PHACTR1: variants seen among roughly 807,000 people sequenced by gnomAD.
The protein encoded by PHACTR1 is RPEL repeat containing 1.
Under a neutral mutation model 69.2 loss-of-function variants are expected in PHACTR1, and 16 were observed. The ratio of observed to expected loss-of-function variants is 0.23; its 90% confidence interval spans 0.16 to 0.35. The LOEUF is 0.35. PHACTR1 is among the 10% of genes least tolerant of loss of function. The pLI, the probability that PHACTR1 is intolerant of heterozygous loss-of-function variation, is 1.00. For synonymous variants in PHACTR1, 312 were observed against 284.5 expected, an observed-to-expected ratio of 1.10 and a Z score of -0.97; for missense variants, 510 against 734.7, an observed-to-expected ratio of 0.69 and a Z score of 3.54.
intron 7 of PHACTR1, among the ~76,000 whole-genome samples, chr6:13,201,939 C>T (rs543125783): frequency 1.1e-4 from 17 of 152,328 alleles, no homozygotes; most frequent in African/African-American, 4.1e-4. Context: ...TACTTTTGTT[C>T]ATTTTTATGA....
At chr6:13,138,468 G>A (rs1334029524) in intron 5 of PHACTR1, among the ~76,000 whole-genome samples, 4 of 152,192 alleles carry the variant, frequency 2.6e-5, no homozygotes, top group African/African-American at 4.8e-5. Context: ...TCTCAGGCAG[G>A]CATTTTAAGG....
intron 4 of PHACTR1, among the ~76,000 whole-genome samples, chr6:12,784,089 A>G (rs148284900): frequency 1.3e-5 from 2 of 152,224 alleles, no homozygotes; most frequent in African/African-American, 4.8e-5. Flanking sequence ...ACATACACAT[A>G]TATCTCTACA....
At chr6:12,946,045 A>G (rs1383395542) in intron 4 of PHACTR1, among the ~76,000 whole-genome samples, 2 of 151,448 alleles carry the variant, frequency 1.3e-5, no homozygotes, top group Non-Finnish European at 2.9e-5. Flanking sequence ...AAGTGGATCT[A>G]GTATACAGTA....
At chr6:13,217,295 C>T (rs1434527276) in intron 8 of PHACTR1, among the ~76,000 whole-genome samples, 1 of 152,184 alleles carries the variant, frequency 6.6e-6, no homozygotes, top group Non-Finnish European at 1.5e-5. Context: ...GAGCCAAACA[C>T]CAAGAGACAA....
At chr6:13,028,121 C>G (rs1329881850) in intron 4 of PHACTR1, among the ~76,000 whole-genome samples, 2 of 152,292 alleles carry the variant, frequency 1.3e-5, no homozygotes, top group Admixed American at 1.3e-4. Context: ...TGCATTTTAT[C>G]ACACATATGT....
chr6:13,149,521 C>A (rs1823979515), intron 5 of PHACTR1, among the ~76,000 whole-genome samples: 1 of 152,154 alleles, frequency 6.6e-6, no homozygotes, highest in Non-Finnish European at 1.5e-5. Context: ...ACCTCATGGG[C>A]CATGAAGAAT....
At chr6:12,776,628 A>T (rs1409660110) in intron 4 of PHACTR1, among the ~76,000 whole-genome samples, 3 of 152,220 alleles carry the variant, frequency 2.0e-5, no homozygotes, top group East Asian at 3.9e-4. Flanking sequence ...AATTTCATGT[A>T]TCCTAAGTAA....
intron 7 of PHACTR1, among the ~76,000 whole-genome samples, chr6:13,186,594 T>C (rs1011367508): frequency 6.6e-6 from 1 of 152,228 alleles, no homozygotes; most frequent in African/African-American, 2.4e-5. Flanking sequence ...TAAGAAAGAT[T>C]AAACATTGTA....
Position 12,877,851 on chromosome 6 carries a change from T to A in PHACTR1, c.250+128061T>A, listed in dbSNP as rs140525258. 2.6e-5 allele frequency among the ~76,000 whole-genome samples: 4 copies of A among 152,322 alleles called. No homozygotes were observed. In the East Asian group the frequency reaches 7.7e-4, roughly 29 times the overall value. On this transcript the variant is annotated intron_variant, in intron 4 of 14. Coordinates refer to ENST00000332995, the MANE Select transcript of PHACTR1 (RefSeq NM_030948.6). ...GCAATTTAGGCTCAGTGTCCACAAT[T>A]CAGGCTTTGGAGTTTAATGGAATTT...
chr6:13,072,996 T>C (rs984336545), intron 5 of PHACTR1, among the ~76,000 whole-genome samples: 4 of 152,144 alleles, frequency 2.6e-5, no homozygotes, highest in Non-Finnish European at 5.9e-5. Context: ...GCCGTGATCA[T>C]TGGCCTTTAT....
chr6:12,906,729 GA>G (rs1785773155), intron 4 of PHACTR1, among the ~76,000 whole-genome samples: 1 of 152,132 alleles, frequency 6.6e-6, no homozygotes. Context: ...AGAGGAAACT[GA>G]ATACACTTCA....
chr6:13,198,622 G>GA (rs201932224), intron 7 of PHACTR1, among the ~76,000 whole-genome samples: 18,553 of 134,768 alleles, frequency 0.14, 1,699 homozygotes, highest in East Asian at 0.55. Context: ...CCTGATGAGT[G>GA]AAAAAAAAAA....
intron 3 of PHACTR1, among the ~76,000 whole-genome samples, chr6:12,730,785 G>A (rs1763406683): frequency 6.6e-6 from 1 of 152,014 alleles, no homozygotes; most frequent in Non-Finnish European, 1.5e-5. Context: ...CCCAGTGTGT[G>A]TTGTTCCCCT....
At chr6:12,919,150 T>C (rs1410803704) in intron 4 of PHACTR1, among the ~76,000 whole-genome samples, 1 of 151,496 alleles carries the variant, frequency 6.6e-6, no homozygotes, top group African/African-American at 2.4e-5. Context: ...CTTTTTTTAT[T>C]TTTATTTTTT....
At chr6:13,259,632 C>T (rs1292094047) in intron 10 of PHACTR1, among the ~76,000 whole-genome samples, 1 of 152,188 alleles carries the variant, frequency 6.6e-6, no homozygotes, top group Non-Finnish European at 1.5e-5. Context: ...CAGTCCTACA[C>T]AGCAGGCGGG....
intron 4 of PHACTR1, among the ~76,000 whole-genome samples, chr6:12,765,642 T>C (rs537585671): frequency 6.6e-6 from 1 of 152,308 alleles, no homozygotes; most frequent in East Asian, 1.9e-4. Context: ...CAGAGCTGCC[T>C]ACAAGCCCGT....
intron 10 of PHACTR1, among the ~76,000 whole-genome samples, chr6:13,236,809 C>T (rs556732671): frequency 2.0e-5 from 3 of 152,140 alleles, no homozygotes; most frequent in Non-Finnish European, 4.4e-5. Context: ...CAATCCATAA[C>T]CCTTGGAGAA....
At chr6:13,260,837 A>C (rs1775809424) in intron 10 of PHACTR1, among the ~76,000 whole-genome samples, 1 of 152,216 alleles carries the variant, frequency 6.6e-6, no homozygotes, top group African/African-American at 2.4e-5. Flanking sequence ...TAGTAAAATA[A>C]GGGCTCCAAA....
intron 4 of PHACTR1, among the ~76,000 whole-genome samples, chr6:12,783,772 C>G (rs967712027): frequency 2.0e-5 from 3 of 152,132 alleles, no homozygotes; most frequent in African/African-American, 4.8e-5. Context: ...ACATAGCACT[C>G]AAATTTAGGT....
Sources: gnomAD v4.1 joint callset for allele counts (sites outside exome capture counted in the v4.1 genomes callset) on GRCh38, gnomAD v4.1.1 for gene constraint, MANE v1.5 for transcripts, NCBI Gene and HGNC (gene_info 2026-07-23, HGNC 2026-07-21) for gene names.